Variants in PFKFB3 observed in about 807,000 individuals in gnomAD.
PFKFB3 encodes 6-phosphofructo-2-kinase/fructose-2,6-biphosphatase 3.
PFKFB3 carries 33 observed loss-of-function variants against 68.0 expected under a neutral mutation model. The ratio of observed to expected loss-of-function variants is 0.49; its 90% CI spans 0.37 to 0.65. The LOEUF is 0.65. Ranked by LOEUF, PFKFB3 falls within the 30% of genes least tolerant of loss-of-function variation. The probability of loss-of-function intolerance (pLI) is 0.00; values close to 1 mark genes in which losing one functional copy is unlikely to be tolerated. For missense variants in PFKFB3, 586 were observed against 712.2 expected (o/e 0.82, Z 2.02); for synonymous variants, 315 against 288.2 (o/e 1.09, Z -0.94).
At chr10:6,206,907 A>G (rs1176803866) in intron 1 of PFKFB3, among the ~76,000 whole-genome samples, 1 of 135,174 alleles carries the variant, frequency 7.4e-6, no homozygotes, top group Admixed American at 7.5e-5. Context: ...GGCTCCTCAC[A>G]TCCCAGACGA....
intron 1 of PFKFB3, among the ~76,000 whole-genome samples, chr10:6,150,179 C>T (rs1343163978): frequency 6.6e-6 from 1 of 152,214 alleles, no homozygotes; most frequent in Non-Finnish European, 1.5e-5. Flanking sequence ...TCTCAGAATG[C>T]TTTCTGCATG....
chr10:6,279,604 T>C, the PFKFB3 span, among the ~76,000 whole-genome samples: 1 of 152,108 alleles, frequency 6.6e-6, no homozygotes, highest in Non-Finnish European at 1.5e-5. Flanking sequence ...TTTGGGGGAA[T>C]GTCTCTCCGT....
At chr10:6,167,782 A>G (rs1341257522) in intron 1 of PFKFB3, among the ~76,000 whole-genome samples, 1 of 152,148 alleles carries the variant, frequency 6.6e-6, no homozygotes, top group East Asian at 1.9e-4. Flanking sequence ...GATTTCCTAG[A>G]TTATTCATCC....
At chr10:6,207,790 G>A (rs72777862) in intron 1 of PFKFB3, among the ~76,000 whole-genome samples, 31,822 of 152,140 alleles carry the variant, frequency 0.21, 3,614 homozygotes, top group African/African-American at 0.31. Flanking sequence ...TCCTTCGCAT[G>A]CATCCTGTAA....
At chr10:6,269,530 T>C in the PFKFB3 span, among the ~76,000 whole-genome samples, 11 of 152,294 alleles carry the variant, frequency 7.2e-5, no homozygotes, top group Middle Eastern at 6.8e-3. Context: ...TTCCGGGGTC[T>C]GTTATCTGTG....
chr10:6,177,438 CTCTT>C (rs60272376), intron 1 of PFKFB3, among the ~76,000 whole-genome samples: 4,066 of 86,654 alleles, frequency 0.047, 158 homozygotes, highest in African/African-American at 0.064. Context: ...TCTTTTCTTT[CTCTT>C]TCTTTCTTTC....
chr10:6,315,840 T>A, the PFKFB3 span, among the ~76,000 whole-genome samples: 1 of 152,222 alleles, frequency 6.6e-6, no homozygotes, highest in Non-Finnish European at 1.5e-5. Context: ...GGACAATAGG[T>A]GATACTACAT....
chr10:6,179,513 G>A (rs1369463135), intron 1 of PFKFB3, among the ~76,000 whole-genome samples: 2 of 152,190 alleles, frequency 1.3e-5, no homozygotes, highest in African/African-American at 4.8e-5. Flanking sequence ...TCACTCAGGC[G>A]TTTCCCTAGC....
upstream of PFKFB3, among the ~76,000 whole-genome samples, chr10:6,201,688 G>A (rs1480530283): frequency 6.6e-6 from 1 of 152,210 alleles, no homozygotes. This position sits in a 1 kb window ranked among gnomAD's most constrained non-coding sequence, Gnocchi z 4.1. Flanking sequence ...TTCCGCCGCG[G>A]TGTAGGTTTC....
intron 1 of PFKFB3, among the ~76,000 whole-genome samples, chr10:6,184,988 T>C (rs993890696): frequency 6.6e-6 from 1 of 152,136 alleles, no homozygotes; most frequent in East Asian, 1.9e-4. Context: ...GCTTCGCACG[T>C]TCACTCTTTT....
the PFKFB3 span, among the ~76,000 whole-genome samples, chr10:6,260,282 G>A: frequency 1.2e-4 from 18 of 151,932 alleles, no homozygotes; most frequent in African/African-American, 2.2e-4. Flanking sequence ...GCATGGCGGC[G>A]GGTTCCTGTA....
At chr10:6,308,155 G>A in the PFKFB3 span, among the ~76,000 whole-genome samples, 2 of 152,176 alleles carry the variant, frequency 1.3e-5, no homozygotes, top group Non-Finnish European at 2.9e-5. Context: ...AAGCATCATT[G>A]TTTGATTTGG....
At chr10:6,211,085 T>C (rs1021351020) in intron 1 of PFKFB3, among the ~76,000 whole-genome samples, 1 of 152,230 alleles carries the variant, frequency 6.6e-6, no homozygotes, top group Non-Finnish European at 1.5e-5. Flanking sequence ...TCTTTGAATC[T>C]TACTATGCGA....
intron 14 of PFKFB3, among the ~76,000 whole-genome samples, chr10:6,249,589 A>G (rs1309884459): frequency 6.6e-6 from 1 of 152,262 alleles, no homozygotes; most frequent in Non-Finnish European, 1.5e-5. Context: ...ATCAAGGCAC[A>G]GAAAGAAAAA....
chr10:6,254,819 T>TTC (rs1281364104), downstream of PFKFB3, among the ~76,000 whole-genome samples: 3 of 129,976 alleles, frequency 2.3e-5, no homozygotes, highest in Non-Finnish European at 5.0e-5. Flanking sequence ...TTTTTTTTTT[T>TTC]TTTTTTTTTT....
chr10:6,273,732 A>G, the PFKFB3 span, among the ~76,000 whole-genome samples: 53 of 152,252 alleles, frequency 3.5e-4, no homozygotes, highest in African/African-American at 1.1e-3. Flanking sequence ...ATGTCCTTAT[A>G]AAAAAGGGAA....
rs200673005 is a variant in PFKFB3, at chr10:6,215,187, C to T, written c.203-34C>T. ...TGTGAGCTGGCCCCTTCCTCCTGCT[C>T]GATCATCCAGACTGTTCTCTTTCCC... On this transcript the variant is annotated intron_variant, in intron 2 of 14. Coordinates refer to ENST00000379775, the MANE Select transcript of PFKFB3 (RefSeq NM_004566.4). This position sits in a 1 kb window ranked among gnomAD's most constrained non-coding sequence, Gnocchi z 4.3. 2.8e-5 allele frequency: 44 copies of T among 1,588,142 alleles called. No individual in the cohort carries two copies. Among genetic ancestry groups the T allele is most frequent in the Middle Eastern group, 1.7e-4 (1 of 6,012 alleles).
intron 1 of PFKFB3, among the ~76,000 whole-genome samples, chr10:6,180,565 A>G (rs575084360): frequency 4.0e-4 from 61 of 152,244 alleles, no homozygotes; most frequent in African/African-American, 1.4e-3. Flanking sequence ...CCTGGGCTCA[A>G]ACAATCCTCT....
Position 6,210,047 on chromosome 10 carries a change from C to T in PFKFB3, c.77-3576C>T, listed in dbSNP as rs529135672. ...GATTACAGGCGTGAGCCACCGTGCC[C>T]GGCCTAATACTTATCTTTTCTAATC... On this transcript the variant is annotated intron_variant, in intron 1 of 14. Transcript: ENST00000379775. 5.7e-4 allele frequency among the ~76,000 whole-genome samples: 71 copies of T among 124,298 alleles called. 4 individuals are homozygous for T. The highest frequency in any genetic ancestry group is 1.7e-3 in the African/African-American group (67 of 39,632). The allele number at this position is 124,298 out of a possible 152,430, so 81.5% of individuals were successfully genotyped here.
Sources: gnomAD v4.1 joint callset for allele counts (sites outside exome capture counted in the v4.1 genomes callset) on GRCh38, gnomAD v4.1.1 for gene constraint, Gnocchi (gnomAD v3.1) non-coding constraint, MANE v1.5 for transcripts, NCBI Gene and HGNC (gene_info 2026-07-23, HGNC 2026-07-21) for gene names.